Variants in MARCHF1 observed in about 807,000 individuals in gnomAD.
The protein encoded by MARCHF1 is E3 ubiquitin-protein ligase MARCHF1.
A neutral mutation model predicts 54.2 loss-of-function variants in MARCHF1; 40 were observed. The ratio of observed to expected loss-of-function variants is 0.74; its 90% confidence interval spans 0.57 to 0.96. The LOEUF (loss-of-function observed/expected upper bound fraction) is 0.96. Ranked by LOEUF, MARCHF1 falls within the 40% of genes least tolerant of loss-of-function variation. The pLI is 0.00. For synonymous variants in MARCHF1, 236 were observed against 236.3 expected, an observed-to-expected ratio of 1.00 and a Z score of 0.01; for missense variants, 586 against 656.5, an observed-to-expected ratio of 0.89 and a Z score of 1.17.
At chr4:164,145,637 ACT>A (rs1390509416) in intron 1 of MARCHF1, among the ~76,000 whole-genome samples, 3 of 152,060 alleles carry the variant, frequency 2.0e-5, no homozygotes, top group East Asian at 3.9e-4. Context: ...CATGCCAAAA[ACT>A]CTCAATAAAT....
rs527737563 is a variant in MARCHF1 at position 163,709,387 on chromosome 4, G to A, written c.112-8524C>T. Among the ~76,000 whole-genome samples the A allele has an allele frequency of 2.6e-5, 4 of 152,176 alleles. No individual in the cohort carries two copies. In the South Asian group the frequency reaches 8.3e-4, roughly 32 times the overall value. On this transcript the variant is annotated intron_variant, in intron 4 of 9. Transcript: ENST00000514618. ...GCCCAGGAGTTCAAGACCAGCCTGG[G>A]CAACACAGTGAGACCTCATCTCTAA...
At chr4:163,947,241 A>AT (rs918176598) in intron 3 of MARCHF1, among the ~76,000 whole-genome samples, 14 of 152,106 alleles carry the variant, frequency 9.2e-5, no homozygotes, top group Admixed American at 8.5e-4. Context: ...TAGATTTTTA[A>AT]TTTTTTGTTA....
intron 3 of MARCHF1, among the ~76,000 whole-genome samples, chr4:163,950,358 C>G (rs1752110486): frequency 6.6e-6 from 1 of 152,168 alleles, no homozygotes; most frequent in African/African-American, 2.4e-5. Flanking sequence ...GTGTGCACAC[C>G]CAGCCAGGTC....
chr4:163,938,638 G>T (rs944305653), intron 3 of MARCHF1, among the ~76,000 whole-genome samples: 4 of 152,092 alleles, frequency 2.6e-5, no homozygotes, highest in Admixed American at 2.0e-4. Context: ...TACTAGTCGG[G>T]TTTCATGCTG....
intron 4 of MARCHF1, among the ~76,000 whole-genome samples, chr4:163,821,558 A>G (rs1748693502): frequency 6.6e-6 from 1 of 152,092 alleles, no homozygotes; most frequent in South Asian, 2.1e-4. Flanking sequence ...AAAATTAAAA[A>G]GTTCAAAGAA....
chr4:164,336,980 G>A (rs1311394561), intron 1 of MARCHF1, among the ~76,000 whole-genome samples: 1 of 151,528 alleles, frequency 6.6e-6, no homozygotes, highest in Non-Finnish European at 1.5e-5. Context: ...AAGAAGAAAA[G>A]AAAGAAAGGA....
At chr4:164,174,014 G>A (rs1180741437) in intron 1 of MARCHF1, among the ~76,000 whole-genome samples, 4 of 152,108 alleles carry the variant, frequency 2.6e-5, no homozygotes, top group Admixed American at 6.6e-5. Context: ...TGTAGAAATC[G>A]TCTCACACTA....
chr4:163,589,911 T>C (rs908568864), intron 7 of MARCHF1, among the ~76,000 whole-genome samples: 2 of 152,202 alleles, frequency 1.3e-5, no homozygotes, highest in Middle Eastern at 3.4e-3. Flanking sequence ...CATTTTAGTA[T>C]TTTACCAGTC....
chr4:164,208,175 G>A (rs1181739222), intron 1 of MARCHF1, among the ~76,000 whole-genome samples: 1 of 152,142 alleles, frequency 6.6e-6, no homozygotes, highest in Non-Finnish European at 1.5e-5. Context: ...GCTTGAGAAG[G>A]GACTGGAGAG....
chr4:164,291,958 A>G (rs1734293763), intron 1 of MARCHF1, among the ~76,000 whole-genome samples: 1 of 152,092 alleles, frequency 6.6e-6, no homozygotes, highest in African/African-American at 2.4e-5. Flanking sequence ...CATTCAACAA[A>G]TATTATTGAT....
chr4:163,569,597 C>T (rs1451916663), intron 8 of MARCHF1, among the ~76,000 whole-genome samples: 1 of 151,866 alleles, frequency 6.6e-6, no homozygotes, highest in Non-Finnish European at 1.5e-5. Flanking sequence ...TCTTATTATC[C>T]CCGTTTACGC....
chr4:164,235,201 T>C (rs927654275), intron 1 of MARCHF1, among the ~76,000 whole-genome samples: 14 of 152,148 alleles, frequency 9.2e-5, no homozygotes, highest in African/African-American at 3.1e-4. Flanking sequence ...TTAGTTTCTG[T>C]AGTTACACAC....
At chr4:163,687,489 A>T (rs1337274083) in intron 5 of MARCHF1, among the ~76,000 whole-genome samples, 4 of 152,198 alleles carry the variant, frequency 2.6e-5, no homozygotes, top group South Asian at 4.2e-4. Context: ...AGTACAAAAG[A>T]TCTTTGCTGA....
At chr4:164,295,723 A>G (rs546887547) in intron 1 of MARCHF1, among the ~76,000 whole-genome samples, 2 of 152,316 alleles carry the variant, frequency 1.3e-5, no homozygotes, top group South Asian at 4.1e-4. Context: ...GTAAGCATAA[A>G]TGTCACATCA....
At chr4:164,331,106 T>C (rs1405541289) in intron 1 of MARCHF1, among the ~76,000 whole-genome samples, 1 of 152,180 alleles carries the variant, frequency 6.6e-6, no homozygotes, top group Non-Finnish European at 1.5e-5. Context: ...ATATCATTAG[T>C]CAATATTTCT....
chr4:163,785,232 A>G (rs1053012299), intron 4 of MARCHF1, among the ~76,000 whole-genome samples: 1 of 152,168 alleles, frequency 6.6e-6, no homozygotes. Flanking sequence ...GAAGATCTCC[A>G]TAGTCACAAA....
At chr4:163,666,031 T>C (rs1055070212) in intron 5 of MARCHF1, among the ~76,000 whole-genome samples, 17 of 152,108 alleles carry the variant, frequency 1.1e-4, no homozygotes, top group African/African-American at 4.1e-4. Flanking sequence ...CTGTGGGAAG[T>C]TGAAAATGTC....
chr4:163,549,140 C>T (rs1380443312), intron 8 of MARCHF1, among the ~76,000 whole-genome samples: 2 of 152,200 alleles, frequency 1.3e-5, no homozygotes, highest in African/African-American at 4.8e-5. Context: ...GCCAGCCTCA[C>T]TCAGGCACAC....
intron 4 of MARCHF1, among the ~76,000 whole-genome samples, chr4:163,763,840 A>G (rs1746900306): frequency 6.6e-6 from 1 of 152,090 alleles, no homozygotes; most frequent in Non-Finnish European, 1.5e-5. Flanking sequence ...TGTATTAAGT[A>G]AATAGGTAAA....
Sources: gnomAD v4.1 joint callset for allele counts (sites outside exome capture counted in the v4.1 genomes callset) on GRCh38, gnomAD v4.1.1 for gene constraint, MANE v1.5 for transcripts, NCBI Gene and HGNC (gene_info 2026-07-23, HGNC 2026-07-21) for gene names.